TTN: variants seen among roughly 807,000 people sequenced by gnomAD.
TTN encodes the protein titin.
Under a neutral mutation model 3,223.0 loss-of-function variants are expected in TTN, and 1,525 were observed. That is an observed-to-expected ratio of 0.47 (90% confidence interval 0.45 to 0.49). The LOEUF (loss-of-function observed/expected upper bound fraction) is 0.49. Among genes scored for constraint, TTN ranks in the 20% least tolerant of loss-of-function variants. TTN has a pLI of 0.00. For synonymous variants in TTN, 14,094 were observed against 15,161.0 expected (o/e 0.93, Z 5.17); for missense variants, 40,786 against 43,424.0 (o/e 0.94, Z 5.40).
At chr2:178,789,072 C>T (rs1360721200) in intron 13 of TTN, among the ~76,000 whole-genome samples, 1 of 152,032 alleles carries the variant, frequency 6.6e-6, no homozygotes, top group African/African-American at 2.4e-5. Flanking sequence ...TAAAATTAGC[C>T]TGCATGCAAT....
At position 178,610,071 on chromosome 2, in the gene TTN, C is replaced by T. The variant is rs546870148; in HGVS notation, c.51436+19G>A. On this transcript the variant is annotated intron_variant, in intron 271 of 362. Transcript: ENST00000589042. ...GGTTTATTAGTTCTTAGCCATAGTG[C>T]ATCCATGTCCAAACTTACGCTTTGG... The T allele has an allele frequency of 1.2e-6, 2 of 1,612,498 alleles. No individual in the cohort carries two copies. The highest frequency in any genetic ancestry group is 1.3e-5 in the African/African-American group (1 of 74,962).
intron 43 of TTN, among the ~76,000 whole-genome samples, chr2:178,762,411 A>T (rs2089445347): frequency 6.6e-6 from 1 of 152,176 alleles, no homozygotes; most frequent in African/African-American, 2.4e-5. Flanking sequence ...AAAGATAGTG[A>T]AATTTTTCTC....
At position 178,584,277 on chromosome 2, in the gene TTN, A is replaced by G; in HGVS notation, c.65274T>C (p.Val21758=). 6.4e-7 allele frequency: 1 copy of G among 1,550,444 alleles called. No individual in the cohort carries two copies. The highest frequency in any genetic ancestry group is 1.4e-5 in the African/African-American group (1 of 72,558). The change falls in exon 311 of 363, where the codon GTT becomes GTC. Residue 21758 remains valine (V), a splice_region_variant and synonymous_variant. Coordinates refer to ENST00000589042, the MANE Select transcript of TTN (RefSeq NM_001267550.2). Reference sequence around the variant, plus strand: ...CAATAAAAAAACCCCAAAACTTACCAACTGGCATTCTTGCAGTTACATATT... The same window carrying G: ...CAATAAAAAAACCCCAAAACTTACCGACTGGCATTCTTGCAGTTACATATT... ...PTEYVTARMP[V]DPPGKPEVID...
chr2:178,747,454 A>C, intron 47 of TTN: 1 of 1,613,442 alleles, frequency 6.2e-7, no homozygotes, highest in Non-Finnish European at 8.5e-7. Flanking sequence ...GATCTAACTC[A>C]GATATTTCTT....
At position 178,571,076 on chromosome 2, in the gene TTN, G is replaced by T; in HGVS notation, c.75056C>A (p.Thr25019Lys). Residue 25019 changes from threonine to lysine, a missense_variant, in exon 326 of 363, where the codon ACA (threonine) becomes AAA (lysine). By Grantham distance (78) the Thr-to-Lys change is moderately conservative. Coordinates refer to ENST00000589042, the MANE Select transcript of TTN (RefSeq NM_001267550.2). ...CCACTGAAGAGTCACAGAATTCCTTGTGACAATGATTGCCTCTGGCCGTCC... is the reference window on the plus strand; with the variant it reads ...CCACTGAAGAGTCACAGAATTCCTTTTGACAATGATTGCCTCTGGCCGTCC... ...PPGRPEAIIV[T>K]RNSVTLQWKK... 2 of 1,612,974 alleles carry T rather than the reference G, an allele frequency of 1.2e-6. No homozygotes were observed. Among genetic ancestry groups the T allele is most frequent in the East Asian group, 4.5e-5 (2 of 44,816 alleles).
rs758092470 is a variant in TTN, at chr2:178,802,179, C to T, written c.254G>A (p.Gly85Glu). Reference sequence around the variant, plus strand: ...AGCAGTACTAGTCGCTTGTCCAGATCCATTGGTGGCTTTCAGGGAATATCG... The same window carrying T: ...AGCAGTACTAGTCGCTTGTCCAGATTCATTGGTGGCTTTCAGGGAATATCG... ...SGRYSLKATN[G>E]SGQATSTAEL... The change falls in exon 3 of 363, where the codon GGA becomes GAA. Residue 85 changes from glycine (G) to glutamate (E), a missense_variant. Gly to Glu is a moderately conservative substitution (Grantham distance 98). Transcript: ENST00000589042. The T allele has an allele frequency of 6.2e-7, 1 of 1,614,160 alleles. No individual in the cohort carries two copies.
At chr2:178,640,668 A>G in intron 220 of TTN, 38 bp from the exon 221 acceptor site, 1 of 1,478,610 alleles carries the variant, frequency 6.8e-7, no homozygotes. Context: ...TTAATATTTG[A>G]ATATTTAGGA....
rs1193416365 is a variant in TTN at position 178,539,237 on chromosome 2, G to A, written c.98698C>T (p.Pro32900Ser). The change falls in exon 353 of 363, where the codon CCA (proline) becomes TCA (serine). Residue 32900 changes from proline (P) to serine (S), a missense_variant. By Grantham distance (74) the Pro-to-Ser change is moderately conservative (BLOSUM62 -1). Transcript: ENST00000589042. ...PKTPLNPPEPPSNPPEVLDVT... is the reference protein window; with the variant it reads ...PKTPLNPPEPSSNPPEVLDVT... ...TCGAGTACTTCTGGAGGATTGCTTG[G>A]AGGTTCTGGAGGATCTGTAAATATA... is the stretch of plus-strand genomic sequence containing the variant. 1 of 1,612,996 alleles carries A rather than the reference G, an allele frequency of 6.2e-7. No individual in the cohort carries two copies. The highest frequency in any genetic ancestry group is 8.5e-7 in the Non-Finnish European group (1 of 1,179,166).
intron 6 of TTN, 117 bp from the exon 7 acceptor site, chr2:178,795,369 A>G: frequency 1.1e-6 from 1 of 908,290 alleles, no homozygotes; most frequent in Non-Finnish European, 1.8e-6. Context: ...GTGTGCCTCC[A>G]TAACCCATTC....
In TTN at chr2:178,693,960, A is replaced by G; in HGVS notation, c.31475T>C (p.Phe10492Ser). 1 of 1,613,048 alleles carries G rather than the reference A, an allele frequency of 6.2e-7. No individual in the cohort carries two copies. The highest frequency in any genetic ancestry group is 1.1e-5 in the South Asian group (1 of 90,912). ...CTCCTCCTCTGTGTGAGAAGCAAAG[A>G]ACATCTTTTCTTCTGAAATAACCAT... ...KKMVISEEKM[F>S]FASHTEEEVS... The change falls in exon 118 of 363, where the codon TTC (phenylalanine) becomes TCC (serine). Residue 10492 changes from phenylalanine to serine, a missense_variant. Physicochemically the swap from Phe to Ser is radical, Grantham distance 155. Coordinates refer to ENST00000589042, the MANE Select transcript of TTN (RefSeq NM_001267550.2).
In TTN at chr2:178,589,424, T is replaced by C. The variant is rs1247031472; in HGVS notation, c.62301A>G (p.Gln20767=). Residue 20767 remains glutamine, a synonymous_variant, in exon 304 of 363, where the codon CAA becomes CAG. Coordinates refer to ENST00000589042, the MANE Select transcript of TTN (RefSeq NM_001267550.2). ...TTAATTTCAGATCAAGTACTGGTTT[T>C]TGTAAGTCTTCTTTCACAACAACTT... ...TEEVVVKEDL[Q]KPVLDLKLSG... 1 of 1,613,466 alleles carries C rather than the reference T, an allele frequency of 6.2e-7. No homozygotes were observed. Among genetic ancestry groups the C allele is most frequent in the South Asian group, 1.1e-5 (1 of 91,074 alleles).
rs887995092 is a variant in TTN, at chr2:178,548,556, T to C, written c.93070A>G (p.Thr31024Ala). The C allele has an allele frequency of 5.0e-6, 8 of 1,613,740 alleles. No individual in the cohort carries two copies. The highest frequency in any genetic ancestry group is 2.7e-5 in the African/African-American group (2 of 74,998). Residue 31024 changes from threonine (T) to alanine (A), a missense_variant, in exon 339 of 363, where the codon ACC becomes GCC. Physicochemically the swap from Thr to Ala is moderately conservative, Grantham distance 58 (BLOSUM62 0). Transcript: ENST00000589042. The surrounding 1 kb of genome is among the most constrained non-coding windows in gnomAD (Gnocchi z 4.3). ...GATCCCCGGGTCACATCTTTGAAGG[T>C]AATTGGGCCAGGTGGGCCTGGAGTG... ...LDTPGPPGPI[T>A]FKDVTRGSAT...
chr2:178,552,796 C>T lies in TTN; in HGVS notation c.90104G>A (p.Arg30035His), dbSNP rs199895320. The change falls in exon 335 of 363, where the codon CGT becomes CAT. Residue 30035 changes from arginine to histidine, a missense_variant. Arg to His is a conservative substitution (Grantham distance 29, BLOSUM62 0). Coordinates refer to ENST00000589042, the MANE Select transcript of TTN (RefSeq NM_001267550.2). ...VKAAEVPAPIRDLSMKDSTKT... is the reference protein window; with the variant it reads ...VKAAEVPAPIHDLSMKDSTKT... Reference sequence around the variant, plus strand: ...TGTTGAGTCTTTCATTGAGAGATCACGTATAGGAGCTGGTACTTCAGCAGC... The same window carrying T: ...TGTTGAGTCTTTCATTGAGAGATCATGTATAGGAGCTGGTACTTCAGCAGC... 78 of 1,613,860 alleles carry T rather than the reference C, an allele frequency of 4.8e-5. No individual in the cohort carries two copies. Among genetic ancestry groups the T allele is most frequent in the Middle Eastern group, 1.7e-4 (1 of 6,058 alleles).
rs770098799 is a variant in TTN at position 178,537,371 on chromosome 2, A to C, written c.99836T>G (p.Val33279Gly). 3 of 1,590,352 alleles carry C rather than the reference A, an allele frequency of 1.9e-6. No individual in the cohort carries two copies. The African/African-American group carries it at 4.0e-5, about 21-fold the overall frequency. The change falls in exon 355 of 363, where the codon GTT (valine) becomes GGT (glycine). Residue 33279 changes from valine (V) to glycine (G), a missense_variant. Val to Gly is a moderately radical substitution (Grantham distance 109). Coordinates refer to ENST00000589042, the MANE Select transcript of TTN (RefSeq NM_001267550.2). ...TATTTCCACATCAAGGATGGCATCA[A>C]CTGTTCCAAAAACATTGCTGAGCTG... is the stretch of plus-strand genomic sequence containing the variant. Reference protein sequence around the residue: ...KVQLSNVFGTVDAILDVEIQD... With the variant: ...KVQLSNVFGTGDAILDVEIQD...
intron 143 of TTN, 45 bp downstream of exon 143, chr2:178,678,702 T>G (rs72650046): frequency 1.3e-6 from 2 of 1,564,858 alleles, no homozygotes; most frequent in Non-Finnish European, 1.7e-6. Flanking sequence ...TTTACCCATA[T>G]GCAAATGTGA....
chr2:178,694,995 T>A, intron 115 of TTN, 89 bp from the exon 116 acceptor site: 1 of 897,832 alleles, frequency 1.1e-6, no homozygotes, highest in Non-Finnish European at 1.7e-6. Context: ...TGTATATGTG[T>A]TTATACACAC....
At chr2:178,614,029 T>TA (rs762708730) in intron 262 of TTN, 23 bp downstream of exon 262, 46 of 1,609,154 alleles carry the variant, frequency 2.9e-5, no homozygotes, top group East Asian at 1.1e-4. Context: ...CTTTTTTTTT[T>TA]ATCAGCTGAT....
chr2:178,571,205 CCTT>C lies in TTN; in HGVS notation c.74924_74926del (p.Glu24975del), dbSNP rs760739180. ...AGAGACTCTAAATTCATATTCAACA[CCTT>C]CTTCAAGGCCAGTTGTCTTAAACTT... is the stretch of plus-strand genomic sequence containing the variant. On this transcript the variant is annotated inframe_deletion, in exon 326 of 363. Coordinates refer to ENST00000589042, the MANE Select transcript of TTN (RefSeq NM_001267550.2). 9.3e-6 allele frequency: 15 copies of C among 1,613,434 alleles called. No homozygotes were observed. In the African/African-American group the frequency reaches 1.7e-4, roughly 19 times the overall value.
chr2:178,585,447 T>A (rs1485145657), intron 308 of TTN, 100 bp from the exon 309 acceptor site: 16 of 1,264,052 alleles, frequency 1.3e-5, no homozygotes, highest in African/African-American at 1.5e-5. Flanking sequence ...TTACCACCAA[T>A]TTTTTTTAAT....
Sources: gnomAD v4.1 joint callset for allele counts (sites outside exome capture counted in the v4.1 genomes callset) on GRCh38, gnomAD v4.1.1 for gene constraint, Gnocchi (gnomAD v3.1) non-coding constraint, MANE v1.5 for transcripts, NCBI Gene and HGNC (gene_info 2026-07-23, HGNC 2026-07-21) for gene names.